The following NCAPG2 variants were observed in gnomAD, a reference collection of about 807,000 sequenced individuals.
NCAPG2 encodes non-SMC condensin II complex subunit G2.
A neutral mutation model predicts 141.1 loss-of-function variants in NCAPG2; 53 were observed. That is an observed-to-expected ratio of 0.38 (90% CI 0.30 to 0.47). NCAPG2 has a LOEUF of 0.47. NCAPG2 is among the 20% of genes least tolerant of loss of function. The pLI, the probability that NCAPG2 is intolerant of heterozygous loss-of-function variation, is 0.99. For missense variants in NCAPG2, 1,087 were observed against 1,389.0 expected, an observed-to-expected ratio of 0.78 and a Z score of 3.46; for synonymous variants, 499 against 490.7, an observed-to-expected ratio of 1.02 and a Z score of -0.22.
chr7:158,693,590 T>C, intron 2 of NCAPG2, 93 bp from the exon 3 acceptor site: 3 of 1,125,236 alleles, frequency 2.7e-6, no homozygotes, highest in South Asian at 3.3e-5. Context: ...AAGTGTTAAC[T>C]TCATTACAAG....
At chr7:158,663,608 ACT>A (rs1832700638) in intron 15 of NCAPG2, among the ~76,000 whole-genome samples, 1 of 152,170 alleles carries the variant, frequency 6.6e-6, no homozygotes, top group South Asian at 2.1e-4. Context: ...GCACACCAAC[ACT>A]GTGCCTCAGC....
intron 13 of NCAPG2, chr7:158,668,564 A>T: frequency 2.1e-6 from 1 of 485,878 alleles, no homozygotes; most frequent in Non-Finnish European, 2.7e-6. Flanking sequence ...GCCTGGATAC[A>T]GTTTAGATAA....
In NCAPG2 at chr7:158,654,647, G is replaced by A; in HGVS notation, c.2694C>T (p.Asp898=). The A allele has an allele frequency of 3.1e-6, 5 of 1,614,090 alleles. No individual in the cohort carries two copies. The highest frequency in any genetic ancestry group is 4.2e-6 in the Non-Finnish European group (5 of 1,179,970). ...CKDVVMVGLG[D]HQFQMQLLQR... Reference sequence around the variant, plus strand: ...GTAAGAGTTGCATCTGAAACTGATGGTCACCAAGGCCTACCATAACAACAT... The same window carrying A: ...GTAAGAGTTGCATCTGAAACTGATGATCACCAAGGCCTACCATAACAACAT... Residue 898 remains aspartate, a synonymous_variant, in exon 22 of 28, where the codon GAC becomes GAT. Coordinates refer to ENST00000356309, the MANE Select transcript of NCAPG2 (RefSeq NM_017760.7).
intron 25 of NCAPG2, among the ~76,000 whole-genome samples, chr7:158,646,038 A>C (rs979535082): frequency 1.3e-5 from 2 of 152,232 alleles, no homozygotes; most frequent in African/African-American, 4.8e-5. Context: ...CACCACAGCA[A>C]ACCCTGTAAT....
Position 158,656,392 on chromosome 7 carries a change from T to A in NCAPG2, c.2256A>T (p.Thr752=), listed in dbSNP as rs1831978394. The A allele has an allele frequency of 1.2e-6, 2 of 1,614,166 alleles. No homozygotes were observed. The highest frequency in any genetic ancestry group is 4.5e-5 in the East Asian group (2 of 44,880). ...ASKGRVQIHD[T]RPVKPELALV... Reference sequence around the variant, plus strand: ...ATGCCAATTCAGGTTTGACTGGGCGTGTGTCATGGATCTGCACCCTACCTT... The same window carrying A: ...ATGCCAATTCAGGTTTGACTGGGCGAGTGTCATGGATCTGCACCCTACCTT... The change falls in exon 19 of 28, where the codon ACA becomes ACT. Residue 752 remains threonine (T), a synonymous_variant. Transcript: ENST00000356309.
intron 23 of NCAPG2, among the ~76,000 whole-genome samples, chr7:158,651,874 C>T (rs888968948): frequency 6.6e-6 from 1 of 152,198 alleles, no homozygotes; most frequent in Non-Finnish European, 1.5e-5. Context: ...CTACAAGTAT[C>T]AAAATTAGCA....
intron 9 of NCAPG2, among the ~76,000 whole-genome samples, chr7:158,681,027 C>T (rs142233532): frequency 1.6e-3 from 245 of 152,256 alleles, no homozygotes; most frequent in African/African-American, 5.4e-3. Flanking sequence ...AAAGAATCTA[C>T]GGCTGAAATA....
At chr7:158,668,196 C>CCT (rs1833343936) in intron 13 of NCAPG2, 1 of 486,124 alleles carries the variant, frequency 2.1e-6, no homozygotes, top group African/African-American at 2.6e-5. Flanking sequence ...CCTTACCGAC[C>CCT]CTGGGTCCCT....
chr7:158,652,252 A>G lies in NCAPG2; in HGVS notation c.2934+41T>C, dbSNP rs750717280. ...CTGTGTAGGTGTAGCCAGCCCTGAA[A>G]AGCCCATCTAGCGAACCCCGTCCTG... On this transcript the variant is annotated intron_variant, in intron 23 of 27. Transcript: ENST00000356309. The G allele has an allele frequency of 1.9e-6, 3 of 1,577,412 alleles. No individual in the cohort carries two copies. The South Asian group carries it at 3.4e-5, about 18-fold the overall frequency.
chr7:158,688,222 A>G (rs920590714), intron 6 of NCAPG2, among the ~76,000 whole-genome samples: 3 of 152,338 alleles, frequency 2.0e-5, no homozygotes, highest in Non-Finnish European at 2.9e-5. Context: ...CTGTTAGTAC[A>G]GTACAAGATG....
chr7:158,631,219 T>C lies in NCAPG2; in HGVS notation c.*447A>G, dbSNP rs1240516128. 2 of 175,702 alleles carry C rather than the reference T, an allele frequency of 1.1e-5. No homozygotes were observed. Among genetic ancestry groups the C allele is most frequent in the Non-Finnish European group, 2.3e-5 (2 of 85,520 alleles). The allele number at this position is 175,702 out of a possible 1,614,324, so 10.9% of individuals were successfully genotyped here. On this transcript the variant is annotated 3_prime_UTR_variant, in exon 28 of 28. Coordinates refer to ENST00000356309, the MANE Select transcript of NCAPG2 (RefSeq NM_017760.7). ...CTGGTCTTGAACTCCTGACCTCAAGTGATCTATCTGCCTGCCTCAGCCTCC... is the reference window on the plus strand; with the variant it reads ...CTGGTCTTGAACTCCTGACCTCAAGCGATCTATCTGCCTGCCTCAGCCTCC...
chr7:158,645,550 A>G lies in NCAPG2; in HGVS notation c.3249T>C (p.Ala1083=). The change falls in exon 26 of 28, where the codon GCT becomes GCC. Residue 1083 remains alanine (A), a synonymous_variant. Transcript: ENST00000356309. The part of the protein sequence containing the change: ...NDIEGIVCLT[A]AVHIILVINA... The stretch of plus-strand genomic sequence containing the variant: ...TAATAACCAGGATAATATGCACAGC[A>G]GCCGTGAGGCACACAATGCCTTCAA... The G allele has an allele frequency of 6.2e-7, 1 of 1,614,264 alleles. No homozygotes were observed. Among genetic ancestry groups the G allele is most frequent in the Non-Finnish European group, 8.5e-7 (1 of 1,180,044 alleles).
chr7:158,664,296 G>C lies in NCAPG2; in HGVS notation c.1703C>G (p.Ala568Gly). The stretch of plus-strand genomic sequence containing the variant: ...ATGACGAATAACGTGAATCAGCTTT[G>C]CTGAAATGTTTAGGATAAACAAGAA... ...AHEHTACTNI[A>G]KLIHVIRHCL... Residue 568 changes from alanine (A) to glycine (G), a missense_variant and splice_region_variant, in exon 15 of 28, where the codon GCA (alanine) becomes GGA (glycine). By Grantham distance (60) the Ala-to-Gly change is moderately conservative. Transcript: ENST00000356309. 2 of 1,609,142 alleles carry C rather than the reference G, an allele frequency of 1.2e-6. No individual in the cohort carries two copies.
At chr7:158,650,706 C>A (rs1831425438) in intron 24 of NCAPG2, 126 bp downstream of exon 24, 7 of 1,227,666 alleles carry the variant, frequency 5.7e-6, no homozygotes, top group Non-Finnish European at 7.8e-6. Flanking sequence ...GGAAAGTGCA[C>A]CACTCACTCA....
At chr7:158,658,234 A>C in intron 17 of NCAPG2, 104 bp downstream of exon 17, 1 of 1,038,596 alleles carries the variant, frequency 9.6e-7, no homozygotes, top group Non-Finnish European at 1.3e-6. Context: ...GGCCACAGTG[A>C]GCTGAAAGCT....
intron 16 of NCAPG2, among the ~76,000 whole-genome samples, chr7:158,661,232 G>A (rs998662888): frequency 3.9e-5 from 6 of 152,184 alleles, no homozygotes; most frequent in Non-Finnish European, 8.8e-5. Context: ...TAAGTAGGTA[G>A]AAAAAGAGGC....
chr7:158,656,789 C>A, intron 17 of NCAPG2, 84 bp from the exon 18 acceptor site: 1 of 1,486,384 alleles, frequency 6.7e-7, no homozygotes, highest in Non-Finnish European at 9.1e-7. Context: ...AACCAAGAAG[C>A]TAAAATCTGA....
chr7:158,667,776 G>A (rs1407681847), intron 13 of NCAPG2, among the ~76,000 whole-genome samples: 2 of 47,840 alleles, frequency 4.2e-5, no homozygotes, highest in Non-Finnish European at 7.6e-5. Flanking sequence ...GGGTCCCTCC[G>A]CCCTCCCTTA....
intron 11 of NCAPG2, among the ~76,000 whole-genome samples, chr7:158,679,617 G>A (rs1834318729): frequency 6.6e-6 from 1 of 152,192 alleles, no homozygotes; most frequent in Non-Finnish European, 1.5e-5. Flanking sequence ...TCTGACCCCA[G>A]AGAGCAGGGG....
Sources: gnomAD v4.1 joint callset for allele counts (sites outside exome capture counted in the v4.1 genomes callset) on GRCh38, gnomAD v4.1.1 for gene constraint, MANE v1.5 for transcripts, NCBI Gene and HGNC (gene_info 2026-07-23, HGNC 2026-07-21) for gene names.